DLC1: variants seen among roughly 807,000 people sequenced by gnomAD.
DLC1 encodes rho GTPase-activating protein 7.
A neutral mutation model predicts 140.3 loss-of-function variants in DLC1; 54 were observed. The ratio of observed to expected loss-of-function variants is 0.38; its 90% CI spans 0.31 to 0.48. The LOEUF is 0.48. Among genes scored for constraint, DLC1 ranks in the 20% least tolerant of loss-of-function variants. The pLI is 0.96. For synonymous variants in DLC1, 986 were observed against 728.1 expected (o/e 1.35, Z -5.70); for missense variants, 2,536 against 1,907.0 (o/e 1.33, Z -6.14).
At chr8:13,381,039 T>C (rs1348276317) in intron 4 of DLC1, among the ~76,000 whole-genome samples, 1 of 152,154 alleles carries the variant, frequency 6.6e-6, no homozygotes, top group Non-Finnish European at 1.5e-5. Context: ...CTTATAGACA[T>C]GGAGGGCTTG....
intron 5 of DLC1, among the ~76,000 whole-genome samples, chr8:13,254,414 G>A (rs181140846): frequency 6.6e-6 from 1 of 152,214 alleles, no homozygotes; most frequent in East Asian, 1.9e-4. Flanking sequence ...CACATCTCCA[G>A]ATCGTTGAAG....
intron 3 of DLC1, among the ~76,000 whole-genome samples, chr8:13,394,855 GC>G (rs1216118332): frequency 1.4e-4 from 21 of 152,038 alleles, no homozygotes; most frequent in Middle Eastern, 3.4e-3. Context: ...CCCTTTGCTG[GC>G]CCCTTCTTGT....
chr8:13,370,200 A>G (rs1835667880), intron 4 of DLC1, among the ~76,000 whole-genome samples: 1 of 152,066 alleles, frequency 6.6e-6, no homozygotes, highest in Non-Finnish European at 1.5e-5. Context: ...GCATATCATT[A>G]GTAAAGGCAA....
intron 2 of DLC1, among the ~76,000 whole-genome samples, chr8:13,449,179 A>T (rs1460888848): frequency 1.3e-5 from 2 of 152,304 alleles, no homozygotes; most frequent in South Asian, 2.1e-4. Context: ...CTTGACAAAG[A>T]CCCTTTTTAT....
At chr8:13,246,676 C>T (rs544882947) in intron 5 of DLC1, among the ~76,000 whole-genome samples, 8 of 151,028 alleles carry the variant, frequency 5.3e-5, no homozygotes, top group African/African-American at 9.7e-5. Context: ...TTTTTCTACG[C>T]GACCACATTC....
At chr8:13,572,374 A>G (rs1804691080) in intron 1 of DLC1, among the ~76,000 whole-genome samples, 1 of 152,068 alleles carries the variant, frequency 6.6e-6, no homozygotes, top group Non-Finnish European at 1.5e-5. Flanking sequence ...TTATTTTTAT[A>G]TTTTGGATAG....
chr8:13,186,539 A>C (rs1033793703), intron 5 of DLC1, among the ~76,000 whole-genome samples: 16 of 152,176 alleles, frequency 1.1e-4, no homozygotes, highest in African/African-American at 3.9e-4. Context: ...TATTCTAGGT[A>C]GCCATTCGTC....
chr8:13,341,432 G>A lies in DLC1; in HGVS notation c.1315-36130C>T, dbSNP rs1834044061. 3 of 151,674 alleles carry A rather than the reference G, an allele frequency of 2.0e-5. No individual in the cohort carries two copies. In the South Asian group the frequency reaches 6.3e-4, roughly 32 times the overall value. 9.4% of individuals were successfully genotyped at this position (151,674 alleles called of 1,614,324 possible). On this transcript the variant is annotated intron_variant, in intron 4 of 17. Transcript: ENST00000276297. Reference sequence around the variant, plus strand: ...ACAAGGAGGGCCTGTTAAAATGCAAGTTACTGGCCCCCACACATGGTTTCT... The same window carrying A: ...ACAAGGAGGGCCTGTTAAAATGCAAATTACTGGCCCCCACACATGGTTTCT...
intron 4 of DLC1, among the ~76,000 whole-genome samples, chr8:13,390,902 G>A (rs1452996252): frequency 1.3e-5 from 2 of 151,638 alleles, no homozygotes; most frequent in South Asian, 2.1e-4. Flanking sequence ...GCAGAATGCC[G>A]TGAACCCAGG....
chr8:13,146,432 T>C (rs1028988394), intron 5 of DLC1, among the ~76,000 whole-genome samples: 5 of 152,102 alleles, frequency 3.3e-5, no homozygotes, highest in African/African-American at 1.2e-4. Context: ...GAGCTAGTGA[T>C]ACTAAAAATA....
intron 2 of DLC1, among the ~76,000 whole-genome samples, chr8:13,402,074 A>G (rs1490333579): frequency 6.6e-6 from 1 of 151,560 alleles, no homozygotes; most frequent in Non-Finnish European, 1.5e-5. Flanking sequence ...GAAAAGAACT[A>G]AGCGAGGCAA....
intron 1 of DLC1, among the ~76,000 whole-genome samples, chr8:13,592,864 C>A (rs1303840654): frequency 1.3e-5 from 2 of 152,034 alleles, no homozygotes; most frequent in Non-Finnish European, 2.9e-5. Flanking sequence ...TGTTAGCGTC[C>A]CAATTATTCT....
intron 1 of DLC1, among the ~76,000 whole-genome samples, chr8:13,541,534 T>A (rs1009421827): frequency 2.6e-5 from 4 of 152,130 alleles, no homozygotes; most frequent in African/African-American, 9.7e-5. Context: ...TTCTAATGAT[T>A]TTGGGAATCT....
rs1423636514 is a variant in DLC1, at chr8:13,579,358, TA to T, written c.-126+25178del. Among the ~76,000 whole-genome samples the T allele has an allele frequency of 5.5e-4, 23 of 41,652 alleles. 5 individuals carry two copies. The highest frequency in any genetic ancestry group is 2.3e-3 in the African/African-American group (17 of 7,242). 27.3% of individuals were successfully genotyped at this position (41,652 alleles called of 152,430 possible). A position where few individuals can be genotyped will look rare whatever the true frequency, so the allele number is the denominator to read the frequency against. On this transcript the variant is annotated intron_variant, in intron 1 of 1. Transcript: ENST00000631382. The stretch of plus-strand genomic sequence containing the variant: ...ATATATATATATATATATATATATA[TA>T]TATTTTTATATAATACATATTTATA...
intron 1 of DLC1, among the ~76,000 whole-genome samples, chr8:13,574,745 G>A (rs2117423673): frequency 6.6e-6 from 1 of 152,276 alleles, no homozygotes; most frequent in East Asian, 1.9e-4. Flanking sequence ...TGAGATAGAA[G>A]TGGTGATGCC....
chr8:13,480,224 G>A (rs886848450), intron 2 of DLC1, among the ~76,000 whole-genome samples: 25 of 152,210 alleles, frequency 1.6e-4, no homozygotes, highest in South Asian at 1.5e-3. Flanking sequence ...TTGATTATTG[G>A]TTAAAATATG....
chr8:13,505,430 T>G (rs970027194), intron 1 of DLC1, among the ~76,000 whole-genome samples: 2 of 152,192 alleles, frequency 1.3e-5, no homozygotes, highest in Non-Finnish European at 2.9e-5. Flanking sequence ...TAATTTAAAG[T>G]ATTATGATAT....
At chr8:13,245,814 C>T (rs764767661) in intron 5 of DLC1, among the ~76,000 whole-genome samples, 17 of 152,074 alleles carry the variant, frequency 1.1e-4, no homozygotes, top group Non-Finnish European at 2.5e-4. Flanking sequence ...GATTCTCTTG[C>T]CTCAGCCTCC....
intron 1 of DLC1, chr8:13,536,236 T>A (rs2117318781): frequency 6.6e-6 from 1 of 152,256 alleles, no homozygotes; most frequent in African/African-American, 2.4e-5. Context: ...TGAAGGAAGG[T>A]CTGATCCGAT....
Sources: allele counts gnomAD v4.1 joint callset (sites outside exome capture counted in the v4.1 genomes callset), GRCh38; gene constraint gnomAD v4.1.1; transcripts MANE v1.5; gene names NCBI Gene and HGNC (gene_info 2026-07-23, HGNC 2026-07-21).